The following ROBO1 variants were observed in gnomAD, a reference collection of about 807,000 sequenced individuals.
ROBO1 encodes the protein roundabout homolog 1.
In ROBO1, 149 loss-of-function variants were observed where a neutral mutation model predicts 195.9. The observed-to-expected ratio is 0.76, with a 90% CI of 0.67 to 0.87. ROBO1 has a LOEUF of 0.87. Ranked by LOEUF, ROBO1 falls within the 40% of genes least tolerant of loss-of-function variation. The pLI, the probability that ROBO1 is intolerant of heterozygous loss-of-function variation, is 0.00. For synonymous variants in ROBO1, 816 were observed against 733.2 expected (o/e 1.11, Z -1.82); for missense variants, 1,933 against 2,068.3 (o/e 0.93, Z 1.27).
chr3:79,038,949 G>A (rs1244632232), intron 3 of ROBO1, among the ~76,000 whole-genome samples: 2 of 152,144 alleles, frequency 1.3e-5, no homozygotes, highest in Non-Finnish European at 2.9e-5. Flanking sequence ...CCTCCACATA[G>A]AGGCTGCTCC....
At chr3:79,047,871 C>A (rs114179858) in intron 3 of ROBO1, among the ~76,000 whole-genome samples, 3,708 of 152,090 alleles carry the variant, frequency 0.024, 148 homozygotes, top group African/African-American at 0.083. Context: ...GGTAATGAGA[C>A]AAATGGTATA....
At chr3:79,523,482 T>G (rs1941301140) in intron 2 of ROBO1, among the ~76,000 whole-genome samples, 1 of 148,872 alleles carries the variant, frequency 6.7e-6, no homozygotes. Context: ...CTTTTTTTTT[T>G]TTTTTTTGAG....
At chr3:79,228,504 T>G (rs1271562307) in intron 2 of ROBO1, among the ~76,000 whole-genome samples, 1 of 152,176 alleles carries the variant, frequency 6.6e-6, no homozygotes, top group African/African-American at 2.4e-5. Context: ...TTGAGATACT[T>G]GAAATTTAGT....
At chr3:78,640,655 C>T (rs1705884294) in intron 21 of ROBO1, among the ~76,000 whole-genome samples, 1 of 152,312 alleles carries the variant, frequency 6.6e-6, no homozygotes, top group South Asian at 2.1e-4. Context: ...ATGCCAAGTA[C>T]ATCAGCGATT....
intron 2 of ROBO1, among the ~76,000 whole-genome samples, chr3:79,172,582 A>G (rs993597632): frequency 6.6e-5 from 10 of 152,316 alleles, no homozygotes; most frequent in Non-Finnish European, 1.5e-4. Context: ...GAAACTTTAC[A>G]TAAAGTTGTA....
intron 1 of ROBO1, among the ~76,000 whole-genome samples, chr3:79,746,489 T>G (rs1312794621): frequency 1.3e-5 from 2 of 152,024 alleles, no homozygotes; most frequent in East Asian, 1.9e-4. Flanking sequence ...ACAAACATGT[T>G]GTAATAAGAG....
chr3:79,610,492 T>C (rs912251608), intron 1 of ROBO1, among the ~76,000 whole-genome samples: 1 of 152,128 alleles, frequency 6.6e-6, no homozygotes, highest in East Asian at 1.9e-4. Context: ...TAAAAATATT[T>C]AAATTGACTG....
Position 79,746,246 on chromosome 3 carries a change from C to G in ROBO1, c.-51+21506G>C, listed in dbSNP as rs1460119262. Reference sequence around the variant, plus strand: ...ACCATAGATGTGATTAACATATCCTCTTTAATCTTTAAAAATACTGAGATT... The same window carrying G: ...ACCATAGATGTGATTAACATATCCTGTTTAATCTTTAAAAATACTGAGATT... On this transcript the variant is annotated intron_variant, in intron 1 of 30. Transcript: ENST00000464233. Among the ~76,000 whole-genome samples the G allele has an allele frequency of 2.0e-5, 3 of 151,920 alleles. No individual in the cohort carries two copies. The East Asian group carries it at 5.8e-4, about 29-fold the overall frequency.
intron 2 of ROBO1, among the ~76,000 whole-genome samples, chr3:79,437,148 G>C (rs1054879458): frequency 6.6e-6 from 1 of 152,000 alleles, no homozygotes; most frequent in Non-Finnish European, 1.5e-5. Flanking sequence ...TGAGAATCAA[G>C]AAAGGCTGAT....
intron 4 of ROBO1, among the ~76,000 whole-genome samples, chr3:78,868,434 T>A (rs766779680): frequency 6.6e-6 from 1 of 152,044 alleles, no homozygotes; most frequent in African/African-American, 2.4e-5. Context: ...ACTTAAATAA[T>A]AACAGAAATA....
chr3:79,397,892 A>G (rs1285388987), intron 2 of ROBO1, among the ~76,000 whole-genome samples: 1 of 152,214 alleles, frequency 6.6e-6, no homozygotes, highest in East Asian at 1.9e-4. Context: ...CTGAAAAACT[A>G]AAAACATTAA....
intron 3 of ROBO1, among the ~76,000 whole-genome samples, chr3:79,075,352 G>T (rs751959050): frequency 6.6e-6 from 1 of 151,922 alleles, no homozygotes; most frequent in Non-Finnish European, 1.5e-5. Flanking sequence ...CTTCCTTCTA[G>T]AAATATAGGT....
chr3:79,632,616 T>G (rs1386625558), intron 1 of ROBO1, among the ~76,000 whole-genome samples: 1 of 152,046 alleles, frequency 6.6e-6, no homozygotes, highest in Non-Finnish European at 1.5e-5. Context: ...ATGTATCCCC[T>G]GAATCTATTT....
At chr3:79,748,628 C>T (rs1272305371) in intron 1 of ROBO1, among the ~76,000 whole-genome samples, 2 of 152,124 alleles carry the variant, frequency 1.3e-5, no homozygotes, top group Middle Eastern at 3.2e-3. Context: ...CCACAATTCC[C>T]ATGTGTTGTG....
chr3:79,766,894 T>C (rs1705029272), intron 1 of ROBO1, among the ~76,000 whole-genome samples: 1 of 152,152 alleles, frequency 6.6e-6, no homozygotes, highest in South Asian at 2.1e-4. Flanking sequence ...TCCTGGTTCG[T>C]CCCACTCGTG....
intron 3 of ROBO1, among the ~76,000 whole-genome samples, chr3:78,982,444 T>G (rs1354202651): frequency 6.6e-6 from 1 of 152,154 alleles, no homozygotes; most frequent in Non-Finnish European, 1.5e-5. Flanking sequence ...ATGAGCATTT[T>G]TGCATCATAC....
chr3:78,884,137 G>C (rs331189), intron 4 of ROBO1, among the ~76,000 whole-genome samples: 68,047 of 151,938 alleles, frequency 0.45, 17,215 homozygotes, highest in African/African-American at 0.7. Flanking sequence ...AAAATGAACA[G>C]TTAGATGCCA....
chr3:78,831,090 T>C (rs915970984), intron 4 of ROBO1, among the ~76,000 whole-genome samples: 8 of 151,974 alleles, frequency 5.3e-5, no homozygotes, highest in East Asian at 3.9e-4. Context: ...TTTTTCTATT[T>C]TTAGTAGAGA....
intron 2 of ROBO1, among the ~76,000 whole-genome samples, chr3:79,276,737 A>G (rs2031067343): frequency 1.3e-5 from 2 of 152,086 alleles, no homozygotes; most frequent in African/African-American, 2.4e-5. Flanking sequence ...CAAGGGATTA[A>G]TAACAATAAC....
Sources: allele counts gnomAD v4.1 joint callset (sites outside exome capture counted in the v4.1 genomes callset), GRCh38; gene constraint gnomAD v4.1.1; transcripts MANE v1.5; gene names NCBI Gene and HGNC (gene_info 2026-07-23, HGNC 2026-07-21).